RORA: variants seen among roughly 807,000 people sequenced by gnomAD.
RORA encodes the protein RAR related orphan receptor A.
In RORA, 7 loss-of-function variants were observed where a neutral mutation model predicts 69.5. The ratio of observed to expected loss-of-function variants is 0.10; its 90% confidence interval spans 0.06 to 0.19. The LOEUF (loss-of-function observed/expected upper bound fraction) is 0.19, where lower values mean the gene tolerates loss of function less well. Ranked by LOEUF, RORA falls within the 10% of genes least tolerant of loss-of-function variation. RORA has a pLI of 1.00. For synonymous variants in RORA, 261 were observed against 240.8 expected (o/e 1.08, Z -0.78); for missense variants, 457 against 663.0 (o/e 0.69, Z 3.41).
intron 1 of RORA, among the ~76,000 whole-genome samples, chr15:60,824,258 G>T (rs1252089657): frequency 6.6e-6 from 1 of 152,206 alleles, no homozygotes. Flanking sequence ...GCTCTTGGAA[G>T]TTAATGTAGT....
intron 2 of RORA, among the ~76,000 whole-genome samples, chr15:60,663,046 T>C (rs2070327740): frequency 6.6e-6 from 1 of 152,178 alleles, no homozygotes; most frequent in African/African-American, 2.4e-5. Flanking sequence ...TTCAATTTGG[T>C]ACATCACTGA....
At chr15:60,599,357 C>T (rs778936579) in intron 2 of RORA, among the ~76,000 whole-genome samples, 2 of 152,140 alleles carry the variant, frequency 1.3e-5, no homozygotes. Context: ...TTGAGACCAG[C>T]CTGGCCAACA....
intron 1 of RORA, among the ~76,000 whole-genome samples, chr15:61,139,069 A>G (rs1179242025): frequency 4.6e-5 from 7 of 151,834 alleles, no homozygotes; most frequent in African/African-American, 1.2e-4. Flanking sequence ...GCACGAACCC[A>G]GGAGGCGGAG....
At chr15:61,218,177 G>GTT (rs778069234) in intron 1 of RORA, among the ~76,000 whole-genome samples, 6 of 110,672 alleles carry the variant, frequency 5.4e-5, no homozygotes, top group Non-Finnish European at 1.1e-4. Context: ...TGAAATGTTT[G>GTT]TGTGTGTGTG....
At chr15:60,501,794 G>A (rs2065339194) in intron 8 of RORA, among the ~76,000 whole-genome samples, 1 of 151,940 alleles carries the variant, frequency 6.6e-6, no homozygotes, top group South Asian at 2.1e-4. Flanking sequence ...GGTTAAGTTT[G>A]GTGTCTATTC....
intron 2 of RORA, among the ~76,000 whole-genome samples, chr15:60,542,914 A>G (rs368777408): frequency 1.8e-4 from 27 of 150,956 alleles, no homozygotes; most frequent in African/African-American, 6.1e-4. Context: ...ACAGATGCAC[A>G]CCACACATGC....
chr15:60,705,900 T>A (rs1305530231), intron 1 of RORA, among the ~76,000 whole-genome samples: 1 of 151,918 alleles, frequency 6.6e-6, no homozygotes, highest in Admixed American at 6.6e-5. Flanking sequence ...CTCCAAGGAG[T>A]GCAAAGTATA....
At chr15:61,169,883 C>T (rs997880977) in intron 1 of RORA, among the ~76,000 whole-genome samples, 4 of 152,090 alleles carry the variant, frequency 2.6e-5, no homozygotes, top group Admixed American at 6.6e-5. Context: ...CCAGGGTGGA[C>T]CTTTCTGTTG....
At chr15:60,776,070 C>A (rs756844384) in intron 1 of RORA, among the ~76,000 whole-genome samples, 14 of 152,132 alleles carry the variant, frequency 9.2e-5, no homozygotes, top group Non-Finnish European at 1.3e-4. Context: ...TCGATGGGAA[C>A]CTGAAACTTT....
At chr15:60,759,631 G>A (rs997348508) in intron 1 of RORA, among the ~76,000 whole-genome samples, 3 of 152,168 alleles carry the variant, frequency 2.0e-5, no homozygotes, top group Non-Finnish European at 4.4e-5. Flanking sequence ...TACACATAGA[G>A]AAATCTGCCT....
At chr15:61,148,693 G>C (rs533375512) in intron 1 of RORA, among the ~76,000 whole-genome samples, 1 of 152,182 alleles carries the variant, frequency 6.6e-6, no homozygotes, top group African/African-American at 2.4e-5. Flanking sequence ...ATGTTAGAAA[G>C]TGGAGCAGAT....
At position 60,531,742 on chromosome 15, in the gene RORA, A is replaced by T; in HGVS notation, c.282+24T>A. Reference sequence around the variant, plus strand: ...TATATTCTAACAAACATTAATAGAAACAACAACAATTAAAAAGGCTTACCT... The same window carrying T: ...TATATTCTAACAAACATTAATAGAATCAACAACAATTAAAAAGGCTTACCT... On this transcript the variant is annotated intron_variant, in intron 3 of 10. Coordinates refer to ENST00000335670, the MANE Select transcript of RORA (RefSeq NM_134261.3). This position sits in a 1 kb window ranked among gnomAD's most constrained non-coding sequence, Gnocchi z 4.8. 1 of 1,298,302 alleles carries T rather than the reference A, an allele frequency of 7.7e-7. No homozygotes were observed. Among genetic ancestry groups the T allele is most frequent in the Non-Finnish European group, 1.1e-6 (1 of 926,486 alleles). The allele number at this position is 1,298,302 out of a possible 1,614,324, so 80.4% of individuals were successfully genotyped here.
At chr15:60,821,672 G>A (rs763077968) in intron 1 of RORA, among the ~76,000 whole-genome samples, 1 of 152,222 alleles carries the variant, frequency 6.6e-6, no homozygotes, top group African/African-American at 2.4e-5. Context: ...AGCAACTAGT[G>A]TGGGGCCTGA....
chr15:61,003,951 T>G (rs1894827079), intron 1 of RORA, among the ~76,000 whole-genome samples: 1 of 151,920 alleles, frequency 6.6e-6, no homozygotes. Flanking sequence ...CTCTCTCACA[T>G]GGTCTTTCTC....
intron 1 of RORA, among the ~76,000 whole-genome samples, chr15:60,995,060 T>A (rs147594147): frequency 6.6e-6 from 1 of 152,114 alleles, no homozygotes; most frequent in Non-Finnish European, 1.5e-5. Context: ...AGGAAAAGAT[T>A]GTTATAAAAA....
chr15:60,687,452 G>T (rs2140767698), intron 1 of RORA, among the ~76,000 whole-genome samples: 1 of 152,298 alleles, frequency 6.6e-6, no homozygotes, highest in Admixed American at 6.5e-5. Flanking sequence ...TGTCTGGATT[G>T]GTGATTGCTG....
chr15:60,921,599 C>T (rs192277585), intron 1 of RORA, among the ~76,000 whole-genome samples: 10 of 152,186 alleles, frequency 6.6e-5, no homozygotes, highest in East Asian at 3.9e-4. Context: ...TGGGTATAGG[C>T]GATGTGTTCA....
intron 2 of RORA, among the ~76,000 whole-genome samples, chr15:60,571,178 T>G (rs2067869692): frequency 6.6e-6 from 1 of 152,118 alleles, no homozygotes; most frequent in Non-Finnish European, 1.5e-5. Context: ...GTGTAGTAAT[T>G]TCGATGTGCC....
intron 2 of RORA, among the ~76,000 whole-genome samples, chr15:60,661,682 G>A (rs1489992165): frequency 6.6e-6 from 1 of 152,190 alleles, no homozygotes; most frequent in South Asian, 2.1e-4. Context: ...AGAGGCACGG[G>A]AACTAAACAC....
Sources: allele counts gnomAD v4.1 joint callset (sites outside exome capture counted in the v4.1 genomes callset), GRCh38; gene constraint gnomAD v4.1.1; non-coding constraint Gnocchi (gnomAD v3.1); transcripts MANE v1.5; gene names NCBI Gene and HGNC (gene_info 2026-07-23, HGNC 2026-07-21).